Variants in SSC4D observed in about 807,000 individuals in gnomAD.
The protein encoded by SSC4D is scavenger receptor cysteine-rich domain-containing group B protein.
SSC4D carries 57 observed loss-of-function variants against 63.4 expected under a neutral mutation model. The ratio of observed to expected loss-of-function variants is 0.90; its 90% CI spans 0.73 to 1.12. The LOEUF is 1.12. Ranked by LOEUF, SSC4D falls within the 50% of genes most tolerant of loss-of-function variation. SSC4D has a pLI of 0.00. For synonymous variants in SSC4D, 352 were observed against 345.4 expected (o/e 1.02, Z -0.21); for missense variants, 791 against 806.4 (o/e 0.98, Z 0.23).
chr7:76,393,268 C>T (rs1804534524), intron 9 of SSC4D, 137 bp downstream of exon 9: 8 of 905,268 alleles, frequency 8.8e-6, no homozygotes, highest in African/African-American at 7.0e-5. Context: ...CACGGCGGGG[C>T]GGCGCCCCTC....
chr7:76,396,751 TATCTCTTACAG>T (rs1804649745), intron 6 of SSC4D, among the ~76,000 whole-genome samples: 2 of 152,234 alleles, frequency 1.3e-5, no homozygotes, highest in South Asian at 4.1e-4. Context: ...GCAACCACTT[TATCTCTTACAG>T]AGCAGAGTCC....
chr7:76,397,482 T>G, intron 6 of SSC4D, 36 bp downstream of exon 6: 14 of 1,133,290 alleles, frequency 1.2e-5, no homozygotes, highest in African/African-American at 1.6e-5. Flanking sequence ...CCCGCCCACC[T>G]GCCCCGGCCC....
chr7:76,390,708 T>C (rs1804478352), intron 10 of SSC4D, among the ~76,000 whole-genome samples: 1 of 152,122 alleles, frequency 6.6e-6, no homozygotes, highest in South Asian at 2.1e-4. Context: ...TCCCAGCTAC[T>C]TGAGAGGCTG....
intron 2 of SSC4D, among the ~76,000 whole-genome samples, chr7:76,402,506 C>T (rs1804865124): frequency 1.3e-5 from 2 of 151,472 alleles, no homozygotes; most frequent in South Asian, 2.1e-4. Flanking sequence ...TTTGTAGAGA[C>T]AGGGGTCTCA....
chr7:76,394,541 G>C (rs1274369718), intron 7 of SSC4D, among the ~76,000 whole-genome samples: 1 of 151,396 alleles, frequency 6.6e-6, no homozygotes, highest in Non-Finnish European at 1.5e-5. Context: ...CTTCCAAGTA[G>C]CTGGGATTAC....
intron 2 of SSC4D, 92 bp downstream of exon 2, chr7:76,404,215 C>A (rs1804925135): frequency 2.1e-6 from 3 of 1,433,124 alleles, no homozygotes; most frequent in South Asian, 3.0e-5. Context: ...GGAACGAGCT[C>A]ATTCACAACC....
chr7:76,391,937 C>A, intron 10 of SSC4D, 27 bp downstream of exon 10: 1 of 1,575,568 alleles, frequency 6.3e-7, no homozygotes, highest in African/African-American at 1.3e-5. Flanking sequence ...TGCCTCCACC[C>A]ACTTTCAGGG....
chr7:76,400,838 A>C (rs1804799924), intron 3 of SSC4D, among the ~76,000 whole-genome samples, 170 bp downstream of exon 3: 1 of 152,102 alleles, frequency 6.6e-6, no homozygotes, highest in Non-Finnish European at 1.5e-5. Flanking sequence ...AAGCCATGGG[A>C]ACCTTGGGAT....
chr7:76,391,530 G>A (rs1312789975), intron 10 of SSC4D, among the ~76,000 whole-genome samples: 1 of 152,164 alleles, frequency 6.6e-6, no homozygotes, highest in Non-Finnish European at 1.5e-5. Context: ...TCCGCGACGT[G>A]TACTGGGTGC....
chr7:76,393,310 G>A (rs1299785066), intron 9 of SSC4D, 95 bp downstream of exon 9: 3 of 1,221,544 alleles, frequency 2.5e-6, no homozygotes, highest in East Asian at 6.5e-5. Flanking sequence ...GGGCGGCAGT[G>A]CCGCAAGAGA....
intron 7 of SSC4D, among the ~76,000 whole-genome samples, chr7:76,394,408 AT>A (rs56223813): frequency 0.3 from 40,616 of 134,110 alleles, 6,313 homozygotes; most frequent in East Asian, 0.46. Context: ...TGCCCAGCTA[AT>A]TTTTTTTTTT....
intron 4 of SSC4D, among the ~76,000 whole-genome samples, chr7:76,399,604 G>A (rs1232099830): frequency 6.6e-6 from 1 of 151,274 alleles, no homozygotes; most frequent in Non-Finnish European, 1.5e-5. Flanking sequence ...TCACAATCAC[G>A]GCTCACTGCA....
In SSC4D at chr7:76,389,977, T is replaced by C. The variant is rs1472632218; in HGVS notation, c.*82A>G. On this transcript the variant is annotated 3_prime_UTR_variant, in exon 11 of 11. Coordinates refer to ENST00000275560, the MANE Select transcript of SSC4D (RefSeq NM_080744.2). ...GAAGGAGGGGCAAAGTGAACTGTAG[T>C]CATCACAAGAGGAGGGCTTCCTGGA... The C allele has an allele frequency of 2.6e-6, 4 of 1,564,566 alleles. No individual in the cohort carries two copies. The highest frequency in any genetic ancestry group is 3.5e-6 in the Non-Finnish European group (4 of 1,144,138).
At chr7:76,398,913 C>T (rs1224638237) in intron 4 of SSC4D, 116 bp from the exon 5 acceptor site, 1 of 1,022,590 alleles carries the variant, frequency 9.8e-7, no homozygotes, top group Non-Finnish European at 1.5e-6. Context: ...AGCCTCTGGC[C>T]ACACAAAGAG....
At position 76,397,785 on chromosome 7, in the gene SSC4D, G is replaced by C. The variant is rs1472622873; in HGVS notation, c.601C>G (p.Arg201Gly). The C allele has an allele frequency of 1.2e-6, 2 of 1,609,538 alleles. No individual in the cohort carries two copies. Among genetic ancestry groups the C allele is most frequent in the Non-Finnish European group, 1.7e-6 (2 of 1,177,508 alleles). ...LVGGANLCQG[R>G]VEILHSGLWG... is the part of the protein sequence containing the mutation. ...AGGCCACTGTGCAGGATCTCCACTCGGCCCTGACACAGGTTCGCGCCCCCT... is the reference window on the plus strand; with the variant it reads ...AGGCCACTGTGCAGGATCTCCACTCCGCCCTGACACAGGTTCGCGCCCCCT... The change falls in exon 6 of 11, where the codon CGA (arginine) becomes GGA (glycine). Residue 201 changes from arginine to glycine, a missense_variant. Arg to Gly is a moderately radical substitution (Grantham distance 125). Coordinates refer to ENST00000275560, the MANE Select transcript of SSC4D (RefSeq NM_080744.2).
rs1206313218 is a variant in SSC4D at position 76,393,675 on chromosome 7, C to T, written c.1063G>A (p.Gly355Ser). Reference sequence around the variant, plus strand: ...CCGGCGTGCAACACCTCCACGCGGCCGCGGCACGGACCCGGGCCGCCCACC... The same window carrying T: ...CCGGCGTGCAACACCTCCACGCGGCTGCGGCACGGACCCGGGCCGCCCACC... The part of the protein sequence containing the change: ...RLVGGPGPCR[G>S]RVEVLHAGGW... Residue 355 changes from glycine (G) to serine (S), a missense_variant, in exon 9 of 11, where the codon GGC becomes AGC. Physicochemically the swap from Gly to Ser is moderately conservative, Grantham distance 56 (BLOSUM62 0). Transcript: ENST00000275560. 4 of 1,430,044 alleles carry T rather than the reference C, an allele frequency of 2.8e-6. No individual in the cohort carries two copies. In the South Asian group the frequency reaches 4.3e-5, roughly 15 times the overall value. 88.6% of individuals were successfully genotyped at this position (1,430,044 alleles called of 1,614,324 possible).
chr7:76,408,689 C>G (rs996474696), intron 1 of SSC4D, among the ~76,000 whole-genome samples: 8 of 152,194 alleles, frequency 5.3e-5, no homozygotes, highest in Admixed American at 3.9e-4. Context: ...GCCAAGCCTG[C>G]CTCCTACCCT....
At chr7:76,404,633 A>C in intron 1 of SSC4D, 128 bp from the exon 2 acceptor site, 1 of 727,470 alleles carries the variant, frequency 1.4e-6, no homozygotes, top group South Asian at 1.8e-5. Context: ...TCTCTACAAA[A>C]AGTTTTTAAA....
Position 76,404,350 on chromosome 7 carries a change from G to A in SSC4D, c.90C>T (p.Pro30=), listed in dbSNP as rs755675529. The change falls in exon 2 of 11, where the codon CCC becomes CCT. Residue 30 remains proline (P), a synonymous_variant. Coordinates refer to ENST00000275560, the MANE Select transcript of SSC4D (RefSeq NM_080744.2). ...GGAAAGACAGGGCTTGGGGGAGGAA[G>A]GGAGGGGCAGCACTCCCATCTCCCA... ...WRLGDGSAAP[P]FLPQALSFLL... The A allele has an allele frequency of 1.9e-6, 3 of 1,612,928 alleles. No homozygotes were observed. Among genetic ancestry groups the A allele is most frequent in the East Asian group, 4.5e-5 (2 of 44,854 alleles).
Sources: gnomAD v4.1 joint callset for allele counts (sites outside exome capture counted in the v4.1 genomes callset) on GRCh38, gnomAD v4.1.1 for gene constraint, MANE v1.5 for transcripts, NCBI Gene and HGNC (gene_info 2026-07-23, HGNC 2026-07-21) for gene names.